Variants in ATG14 observed in about 807,000 individuals in gnomAD.
ATG14 encodes the protein autophagy related 14, also known as beclin 1-associated autophagy-related key regulator.
Under a neutral mutation model 60.4 loss-of-function variants are expected in ATG14, and 35 were observed. The observed-to-expected ratio is 0.58, with a 90% confidence interval of 0.44 to 0.77. The LOEUF (loss-of-function observed/expected upper bound fraction) is 0.77. Among genes scored for constraint, ATG14 ranks in the 30% least tolerant of loss-of-function variants. ATG14 has a pLI of 0.00. For missense variants in ATG14, 647 were observed against 626.3 expected, an observed-to-expected ratio of 1.03 and a Z score of -0.35; for synonymous variants, 234 against 228.8, an observed-to-expected ratio of 1.02 and a Z score of -0.21.
chr14:55,385,718 T>C (rs2140135176), intron 5 of ATG14, 141 bp downstream of exon 5: 4 of 810,196 alleles, frequency 4.9e-6, no homozygotes, highest in Admixed American at 5.7e-5. Flanking sequence ...GTACTGTTTG[T>C]TGAAACAGAT....
At chr14:55,385,090 G>GC (rs1259446292) in intron 5 of ATG14, among the ~76,000 whole-genome samples, 1 of 152,180 alleles carries the variant, frequency 6.6e-6, no homozygotes, top group Non-Finnish European at 1.5e-5. Context: ...AAAAGGCTAA[G>GC]CCAACATGTA....
At chr14:55,379,225 A>G (rs1175570709) in intron 7 of ATG14, among the ~76,000 whole-genome samples, 1 of 152,176 alleles carries the variant, frequency 6.6e-6, no homozygotes, top group Non-Finnish European at 1.5e-5. Flanking sequence ...CAAAGTGTAA[A>G]CAGTGTTTAT....
intron 1 of ATG14, among the ~76,000 whole-genome samples, chr14:55,402,471 G>A (rs1885414050): frequency 6.6e-6 from 1 of 152,116 alleles, no homozygotes; most frequent in African/African-American, 2.4e-5. Context: ...ATGTTTGAAG[G>A]CACCAATCAC....
Position 55,395,098 on chromosome 14 carries a change from G to A in ATG14, c.327+842C>T, listed in dbSNP as rs539963292. On this transcript the variant is annotated intron_variant, in intron 3 of 9. Coordinates refer to ENST00000247178, the MANE Select transcript of ATG14 (RefSeq NM_014924.5). ...TTTTGTTTGCACTTTTTTGTCTGAAGATTTATCCTTTCCTGCTGCTTTCTC... is the reference window on the plus strand; with the variant it reads ...TTTTGTTTGCACTTTTTTGTCTGAAAATTTATCCTTTCCTGCTGCTTTCTC... 48 of 503,228 alleles carry A rather than the reference G, an allele frequency of 9.5e-5. 1 individual carries two copies. The highest frequency in any genetic ancestry group is 9.0e-4 in the African/African-American group (46 of 51,366). 31.2% of individuals were successfully genotyped at this position (503,228 alleles called of 1,614,324 possible).
intron 4 of ATG14, among the ~76,000 whole-genome samples, chr14:55,387,468 G>A (rs150864054): frequency 1.4e-4 from 22 of 152,088 alleles, no homozygotes; most frequent in African/African-American, 4.3e-4. Flanking sequence ...TTTGCTCTTC[G>A]GAACCCTATG....
intron 9 of ATG14, among the ~76,000 whole-genome samples, chr14:55,377,429 A>T (rs1475693926): frequency 1.3e-5 from 2 of 152,132 alleles, no homozygotes; most frequent in Non-Finnish European, 2.9e-5. Flanking sequence ...AACAGGGCAG[A>T]CACTAGGTAG....
rs1427067730 is a variant in ATG14, at chr14:55,408,320, T to C, written c.221+3282A>G. ...ATACAAAAAAACTAGTTAGGCGTGT[T>C]GATGTGCGCCTGTAGTCCCAGATAC... On this transcript the variant is annotated intron_variant, in intron 1 of 9. Transcript: ENST00000247178. Among the ~76,000 whole-genome samples, 8 of 152,194 alleles carry C rather than the reference T, an allele frequency of 5.3e-5. No homozygotes were observed. The East Asian group carries it at 1.5e-3, about 29-fold the overall frequency.
At position 55,377,923 on chromosome 14, in the gene ATG14, T is replaced by G; in HGVS notation, c.1087-19A>C. 1.3e-6 allele frequency: 2 copies of G among 1,594,074 alleles called. No individual in the cohort carries two copies. The highest frequency in any genetic ancestry group is 2.3e-5 in the South Asian group (2 of 87,672). ...TTACATGCTAAAAAAAATTAAAGAA[T>G]TGGTTAATATTTTCAACTATTTAAC... On this transcript the variant is annotated intron_variant, in intron 8 of 9. Coordinates refer to ENST00000247178, the MANE Select transcript of ATG14 (RefSeq NM_014924.5).
chr14:55,376,455 G>A (rs1566577834), intron 9 of ATG14, among the ~76,000 whole-genome samples: 1 of 152,178 alleles, frequency 6.6e-6, no homozygotes. Context: ...TGAGAGGCAT[G>A]AACTCCCTGT....
intron 1 of ATG14, among the ~76,000 whole-genome samples, chr14:55,401,532 A>G (rs1885398586): frequency 6.6e-6 from 1 of 152,186 alleles, no homozygotes; most frequent in African/African-American, 2.4e-5. Context: ...AAAGTCTTCT[A>G]TATTATTCAC....
At chr14:55,401,404 G>T (rs1885396595) in intron 1 of ATG14, among the ~76,000 whole-genome samples, 1 of 151,626 alleles carries the variant, frequency 6.6e-6, no homozygotes. Flanking sequence ...ACATCTTTTT[G>T]TTGTTGTTGT....
chr14:55,397,628 C>T (rs1310088224), intron 1 of ATG14, among the ~76,000 whole-genome samples, 194 bp from the exon 2 acceptor site: 1 of 152,156 alleles, frequency 6.6e-6, no homozygotes, highest in Non-Finnish European at 1.5e-5. Flanking sequence ...AGCTCAAATC[C>T]TCAACTTTAA....
intron 3 of ATG14, among the ~76,000 whole-genome samples, chr14:55,393,245 C>A (rs895104393): frequency 1.3e-5 from 2 of 151,830 alleles, no homozygotes; most frequent in African/African-American, 2.4e-5. Context: ...CTTAGCCGGG[C>A]GTGGTGGTGG....
intron 1 of ATG14, among the ~76,000 whole-genome samples, chr14:55,410,655 C>CT (rs1449219936): frequency 6.6e-6 from 1 of 152,198 alleles, no homozygotes; most frequent in Non-Finnish European, 1.5e-5. Context: ...TAGGTCCAAG[C>CT]TGTCTGAATT....
At chr14:55,382,311 A>G (rs1885050182) in intron 5 of ATG14, 120 bp from the exon 6 acceptor site, 3 of 788,308 alleles carry the variant, frequency 3.8e-6, no homozygotes, top group Non-Finnish European at 6.0e-6. Context: ...ATTTTACATT[A>G]AATTTTTATT....
In ATG14 at chr14:55,409,230, C is replaced by T. The variant is rs913538595; in HGVS notation, c.221+2372G>A. Among the ~76,000 whole-genome samples, 3 of 152,178 alleles carry T rather than the reference C, an allele frequency of 2.0e-5. No homozygotes were observed. In the East Asian group the frequency reaches 5.8e-4, roughly 29 times the overall value. ...AAAGTATAGGATAACTCCCAGTTTT[C>T]TGGCTTTAGTAACAAATGGATCATG... is the stretch of plus-strand genomic sequence containing the variant. On this transcript the variant is annotated intron_variant, in intron 1 of 9. Transcript: ENST00000247178.
chr14:55,388,180 G>C (rs1885157087), intron 4 of ATG14, among the ~76,000 whole-genome samples: 1 of 152,140 alleles, frequency 6.6e-6, no homozygotes, highest in African/African-American at 2.4e-5. Flanking sequence ...TGCTTAATGT[G>C]AATGTCCTAA....
At chr14:55,395,005 T>C (rs1460484284) in intron 3 of ATG14, 1 of 460,206 alleles carries the variant, frequency 2.2e-6, no homozygotes, top group African/African-American at 2.0e-5. Flanking sequence ...TTTCTTGTTT[T>C]CTGCAGGTAA....
chr14:55,392,648 CAAAA>C (rs1197794000), intron 3 of ATG14, among the ~76,000 whole-genome samples: 1 of 51,888 alleles, frequency 1.9e-5, no homozygotes. Context: ...GACTCCACCT[CAAAA>C]AAAAAAAAAA....
Sources: allele counts gnomAD v4.1 joint callset (sites outside exome capture counted in the v4.1 genomes callset), GRCh38; gene constraint gnomAD v4.1.1; transcripts MANE v1.5; gene names NCBI Gene and HGNC (gene_info 2026-07-23, HGNC 2026-07-21).